The following ITIH5 variants were observed in gnomAD, a reference collection of about 807,000 sequenced individuals.
ITIH5 encodes the protein inter-alpha-trypsin inhibitor heavy chain H5.
ITIH5 carries 65 observed loss-of-function variants against 77.5 expected under a neutral mutation model. The observed-to-expected ratio is 0.84, with a 90% CI of 0.69 to 1.03. ITIH5 has a LOEUF of 1.03. Among genes scored for constraint, ITIH5 ranks in the 50% least tolerant of loss-of-function variants. The probability of loss-of-function intolerance (pLI) is 0.00; values close to 1 mark genes in which losing one functional copy is unlikely to be tolerated. For synonymous variants in ITIH5, 525 were observed against 494.3 expected (o/e 1.06, Z -0.82); for missense variants, 1,208 against 1,213.1 (o/e 1.00, Z 0.06).
intron 7 of ITIH5, among the ~76,000 whole-genome samples, chr10:7,609,768 C>A (rs1305539938): frequency 6.6e-6 from 1 of 152,102 alleles, no homozygotes; most frequent in African/African-American, 2.4e-5. Context: ...GTTTGAAGAC[C>A]ATTAAAGCAT....
intron 7 of ITIH5, among the ~76,000 whole-genome samples, chr10:7,603,008 C>G (rs1833046280): frequency 6.6e-6 from 1 of 152,128 alleles, no homozygotes; most frequent in South Asian, 2.1e-4. Flanking sequence ...AATTACATTC[C>G]TACAGCACTT....
chr10:7,629,154 T>C (rs867351489), intron 5 of ITIH5, among the ~76,000 whole-genome samples: 28 of 131,674 alleles, frequency 2.1e-4, no homozygotes, highest in African/African-American at 3.0e-4. Context: ...TGTTGTGGCA[T>C]GCATCCATGT....
chr10:7,642,651 G>C (rs1024569989), intron 2 of ITIH5, among the ~76,000 whole-genome samples: 2 of 152,106 alleles, frequency 1.3e-5, no homozygotes, highest in East Asian at 1.9e-4. Context: ...AGAGAATTTA[G>C]AACCCAGAAA....
At chr10:7,563,436 G>A in intron 13 of ITIH5, 52 bp from the exon 14 acceptor site, 1 of 1,522,336 alleles carries the variant, frequency 6.6e-7, no homozygotes, top group Admixed American at 1.9e-5. Flanking sequence ...GAAACCTCGT[G>A]CTGAACTCCA....
At chr10:7,649,104 T>G (rs1019044113) in intron 2 of ITIH5, among the ~76,000 whole-genome samples, 3 of 152,140 alleles carry the variant, frequency 2.0e-5, no homozygotes, top group African/African-American at 7.2e-5. Flanking sequence ...CCTGGTAGAT[T>G]ATGGGATTGT....
rs368637112 is a variant in ITIH5, at chr10:7,579,939, C to T, written c.1234G>A (p.Gly412Arg). 7.7e-5 allele frequency: 125 copies of T among 1,614,208 alleles called. No homozygotes were observed. In the African/African-American group the frequency reaches 8.8e-4, roughly 11 times the overall value. ...VFLTDGKPTV[G>R]ETHTLKILNN... ...AGGATCTTGAGGGTGTGCGTCTCCC[C>T]GACCGTGGGCTTCCCATCCGTCAGG... The change falls in exon 9 of 14, where the codon GGG (glycine) becomes AGG (arginine). Residue 412 changes from glycine to arginine, a missense_variant. Physicochemically the swap from Gly to Arg is moderately radical, Grantham distance 125 (BLOSUM62 -2). Coordinates refer to ENST00000397146, the MANE Select transcript of ITIH5 (RefSeq NM_030569.7).
chr10:7,659,982 G>A lies in ITIH5; in HGVS notation c.91-4307C>T, dbSNP rs557092592. Among the ~76,000 whole-genome samples, 3 of 152,140 alleles carry A rather than the reference G, an allele frequency of 2.0e-5. No homozygotes were observed. In the South Asian group the frequency reaches 6.2e-4, roughly 31 times the overall value. On this transcript the variant is annotated intron_variant, in intron 1 of 13. Transcript: ENST00000397146. ...AAAAGTAACTGACTCCCAGCTTCAGGCAAAACTACCATAAATAGCCATCTT... is the reference window on the plus strand; with the variant it reads ...AAAAGTAACTGACTCCCAGCTTCAGACAAAACTACCATAAATAGCCATCTT...
chr10:7,649,267 C>T (rs1007739944), intron 2 of ITIH5, among the ~76,000 whole-genome samples: 2 of 150,912 alleles, frequency 1.3e-5, no homozygotes, highest in African/African-American at 2.4e-5. Context: ...TCTTTCTTCC[C>T]CCTTCTTCTT....
chr10:7,567,455 A>G (rs1032810915), intron 12 of ITIH5, among the ~76,000 whole-genome samples: 3 of 151,320 alleles, frequency 2.0e-5, no homozygotes, highest in Non-Finnish European at 4.4e-5. Flanking sequence ...CGTCATTTAC[A>G]TTAGGTATAT....
chr10:7,640,772 T>G lies in ITIH5; in HGVS notation c.383A>C (p.Lys128Thr). ...TACTTACCCATTTTCTTCTGTGGTTTTATTCCTTTTCTCTTTTACCCTATC... is the reference window on the plus strand; with the variant it reads ...TACTTACCCATTTTCTTCTGTGGTTGTATTCCTTTTCTCTTTTACCCTATC... ...SGDRVKEKRN[K>T]TTEENGEKGT... is the part of the protein sequence containing the mutation. Residue 128 changes from lysine (K) to threonine (T), a missense_variant, in exon 4 of 14, where the codon AAA (lysine) becomes ACA (threonine). Transcript: ENST00000397146. 6.2e-7 allele frequency: 1 copy of G among 1,611,568 alleles called. No individual in the cohort carries two copies. Among genetic ancestry groups the G allele is most frequent in the Non-Finnish European group, 8.5e-7 (1 of 1,177,750 alleles).
chr10:7,587,214 C>A (rs1430521097), intron 7 of ITIH5, among the ~76,000 whole-genome samples: 1 of 152,090 alleles, frequency 6.6e-6, no homozygotes, highest in African/African-American at 2.4e-5. Flanking sequence ...TCAGTGATAA[C>A]AGGTATACAC....
rs528540692 is a variant in ITIH5, at chr10:7,564,071, G to A, written c.2528-687C>T. 7.2e-5 allele frequency among the ~76,000 whole-genome samples: 11 copies of A among 152,374 alleles called. No individual in the cohort carries two copies. The East Asian group carries it at 1.9e-3, about 27-fold the overall frequency. On this transcript the variant is annotated intron_variant, in intron 13 of 13. Transcript: ENST00000397146. ...TGGCCCGCCTGCTGGGCACGGCCAC[G>A]TGGGTGCCCCCCCGGTGGGGGTGTC...
rs1026216695 is a variant in ITIH5 at position 7,560,214 on chromosome 10, C to A, written c.*2869G>T. 2 of 159,888 alleles carry A rather than the reference C, an allele frequency of 1.3e-5. No homozygotes were observed. Among genetic ancestry groups the A allele is most frequent in the African/African-American group, 2.4e-5 (1 of 41,488 alleles). The allele number at this position is 159,888 out of a possible 1,614,324, so 9.9% of individuals were successfully genotyped here. ...GGGCTCTGCCCTCAAGACCCAATAA[C>A]CTTCCAAAGGTCCCAATTCCAAGAA... On this transcript the variant is annotated 3_prime_UTR_variant, in exon 14 of 14. Coordinates refer to ENST00000397146, the MANE Select transcript of ITIH5 (RefSeq NM_030569.7).
intron 1 of ITIH5, among the ~76,000 whole-genome samples, chr10:7,658,832 C>T (rs11255272): frequency 0.15 from 23,305 of 151,964 alleles, 1,892 homozygotes; most frequent in South Asian, 0.22. Context: ...TAGAGGGCAT[C>T]GACTGTAAAT....
intron 5 of ITIH5, among the ~76,000 whole-genome samples, chr10:7,627,827 CTTTTTTTTTT>C (rs869139058): frequency 5.5e-5 from 5 of 90,838 alleles, no homozygotes; most frequent in South Asian, 4.9e-4. Flanking sequence ...TGAAATTAAC[CTTTTTTTTTT>C]TTTTTTTTTT....
intron 2 of ITIH5, among the ~76,000 whole-genome samples, chr10:7,645,950 T>C (rs930399093): frequency 1.9e-4 from 29 of 152,178 alleles, no homozygotes; most frequent in Admixed American, 1.6e-3. Flanking sequence ...TCATTATCTT[T>C]CAAAAAAAGA....
chr10:7,635,647 G>A (rs1833786784), intron 5 of ITIH5, among the ~76,000 whole-genome samples: 2 of 152,160 alleles, frequency 1.3e-5, no homozygotes, highest in Admixed American at 6.5e-5. Context: ...GCCAGGAAAC[G>A]CTCAGTCTGT....
At chr10:7,663,850 C>T (rs1834318379) in intron 1 of ITIH5, among the ~76,000 whole-genome samples, 1 of 152,144 alleles carries the variant, frequency 6.6e-6, no homozygotes. Flanking sequence ...TACATTATTG[C>T]CTCTTATTAT....
intron 5 of ITIH5, among the ~76,000 whole-genome samples, chr10:7,626,610 A>G (rs1348303875): frequency 6.6e-6 from 1 of 152,346 alleles, no homozygotes; most frequent in East Asian, 1.9e-4. Context: ...AGCCAGTCAC[A>G]GTGCAGCCCT....
Sources: gnomAD v4.1 joint callset for allele counts (sites outside exome capture counted in the v4.1 genomes callset) on GRCh38, gnomAD v4.1.1 for gene constraint, MANE v1.5 for transcripts, NCBI Gene and HGNC (gene_info 2026-07-23, HGNC 2026-07-21) for gene names.